TLE4: variants seen among roughly 807,000 people sequenced by gnomAD.
TLE4 encodes transducin-like enhancer protein 4.
In TLE4, 8 loss-of-function variants were observed where a neutral mutation model predicts 92.8. The ratio of observed to expected loss-of-function variants is 0.09; its 90% CI spans 0.05 to 0.16. TLE4 has a LOEUF of 0.16. TLE4 is among the 10% of genes least tolerant of loss of function. The pLI, the probability that TLE4 is intolerant of heterozygous loss-of-function variation, is 1.00. For missense variants in TLE4, 675 were observed against 997.6 expected, an observed-to-expected ratio of 0.68 and a Z score of 4.36; for synonymous variants, 371 against 374.1, an observed-to-expected ratio of 0.99 and a Z score of 0.10.
intron 8 of TLE4, among the ~76,000 whole-genome samples, chr9:79,700,695 C>A (rs752897489): frequency 6.6e-6 from 1 of 152,118 alleles, no homozygotes; most frequent in African/African-American, 2.4e-5. Flanking sequence ...AACAGATCTA[C>A]CCTGTTCTTT....
In TLE4 at chr9:79,725,258, A is replaced by G; in HGVS notation, c.*114A>G. The G allele has an allele frequency of 1.5e-6, 1 of 679,258 alleles. No homozygotes were observed. Among genetic ancestry groups the G allele is most frequent in the African/African-American group, 1.8e-5 (1 of 55,624 alleles). The allele number at this position is 679,258 out of a possible 1,614,324, so 42.1% of individuals were successfully genotyped here. A position where few individuals can be genotyped will look rare whatever the true frequency, so the allele number is the denominator to read the frequency against. ...ACCAAGGATTTCAGATACTCATTGCAGTTGTGGAGTTTAATCCCCTTTCTT... is the reference window on the plus strand; with the variant it reads ...ACCAAGGATTTCAGATACTCATTGCGGTTGTGGAGTTTAATCCCCTTTCTT... On this transcript the variant is annotated 3_prime_UTR_variant, in exon 20 of 20. Transcript: ENST00000376552.
chr9:79,648,412 G>A (rs2058433693), intron 6 of TLE4, among the ~76,000 whole-genome samples: 1 of 152,144 alleles, frequency 6.6e-6, no homozygotes, highest in South Asian at 2.1e-4. Context: ...GAATAATACA[G>A]GGAGCCCTAT....
At chr9:79,624,177 G>GA (rs5898638) in intron 5 of TLE4, among the ~76,000 whole-genome samples, 231 of 132,786 alleles carry the variant, frequency 1.7e-3, no homozygotes, top group Admixed American at 3.5e-3. Context: ...CCCGAAAATG[G>GA]AAAAAAAAAA....
chr9:79,704,682 G>A, intron 8 of TLE4, 101 bp from the exon 9 acceptor site: 2 of 1,476,880 alleles, frequency 1.4e-6, no homozygotes, highest in Non-Finnish European at 1.8e-6. Context: ...GCAAGTATAT[G>A]CTAAAGAATA....
intron 4 of TLE4, among the ~76,000 whole-genome samples, chr9:79,600,106 T>C (rs1318759406): frequency 6.6e-6 from 1 of 152,252 alleles, no homozygotes; most frequent in Non-Finnish European, 1.5e-5. Context: ...ATTCGTGGTT[T>C]AGGCTTTTTC....
chr9:79,707,353 C>T (rs1022589569), intron 11 of TLE4: 3 of 724,200 alleles, frequency 4.1e-6, no homozygotes, highest in East Asian at 5.2e-5. Flanking sequence ...TCTTGACTTA[C>T]ATCACAAATC....
At position 79,707,216 on chromosome 9, in the gene TLE4, A is replaced by G; in HGVS notation, c.936+317A>G. The G allele has an allele frequency of 5.0e-6, 8 of 1,612,390 alleles. No individual in the cohort carries two copies. In the South Asian group the frequency reaches 7.7e-5, roughly 15 times the overall value. On this transcript the variant is annotated intron_variant, in intron 11 of 19. Transcript: ENST00000376552. Reference sequence around the variant, plus strand: ...GAGATGGTTTTGTCGCCTGTGGTTTATGGTAAATTTAGTTTGGGGCTTGAA... The same window carrying G: ...GAGATGGTTTTGTCGCCTGTGGTTTGTGGTAAATTTAGTTTGGGGCTTGAA...
In TLE4 at chr9:79,724,815, G is replaced by T. The variant is rs146225640; in HGVS notation, c.2215-222G>T. Among the ~76,000 whole-genome samples, 702 of 124,832 alleles carry T rather than the reference G, an allele frequency of 5.6e-3. 1 individual carries two copies. The highest frequency in any genetic ancestry group is 0.031 in the Middle Eastern group (5 of 162). The allele number at this position is 124,832 out of a possible 152,430, so 81.9% of individuals were successfully genotyped here. On this transcript the variant is annotated intron_variant, in intron 19 of 19. Coordinates refer to ENST00000376552, the MANE Select transcript of TLE4 (RefSeq NM_007005.6). Reference sequence around the variant, plus strand: ...TGAGCCATGGTCACACCACTGCACTGCAGCCTGAGTGACTGAGGGAGACCC... The same window carrying T: ...TGAGCCATGGTCACACCACTGCACTTCAGCCTGAGTGACTGAGGGAGACCC...
At chr9:79,600,500 A>G (rs1408571716) in intron 4 of TLE4, among the ~76,000 whole-genome samples, 4 of 152,206 alleles carry the variant, frequency 2.6e-5, no homozygotes, top group Non-Finnish European at 4.4e-5. Context: ...AAAACAGACA[A>G]GGAATTAATT....
chr9:79,640,340 T>C (rs1433023112), intron 6 of TLE4, among the ~76,000 whole-genome samples: 2 of 152,182 alleles, frequency 1.3e-5, no homozygotes, highest in African/African-American at 4.8e-5. Flanking sequence ...TTAAAAATGC[T>C]AACATGAATT....
intron 4 of TLE4, among the ~76,000 whole-genome samples, chr9:79,598,507 C>T (rs1421179303): frequency 6.6e-6 from 1 of 152,084 alleles, no homozygotes; most frequent in Non-Finnish European, 1.5e-5. Flanking sequence ...CTCATTTTAC[C>T]CTCAGTTACT....
In TLE4 at chr9:79,722,837, G is replaced by A. The variant is rs925257029; in HGVS notation, c.2138-122G>A. The stretch of plus-strand genomic sequence containing the variant: ...CAGAAAGATAGGCTTTATTTTTGAA[G>A]TGAAAGTTATTTTTTACAAATGGAT... On this transcript the variant is annotated intron_variant, in intron 18 of 19. Transcript: ENST00000376552. 1.1e-5 allele frequency: 12 copies of A among 1,053,430 alleles called. No homozygotes were observed. The South Asian group carries it at 1.9e-4, about 17-fold the overall frequency. 65.3% of individuals were successfully genotyped at this position (1,053,430 alleles called of 1,614,324 possible).
chr9:79,687,194 C>T (rs1277878509), intron 8 of TLE4, among the ~76,000 whole-genome samples: 1 of 152,182 alleles, frequency 6.6e-6, no homozygotes, highest in East Asian at 1.9e-4. Flanking sequence ...TGGATCCAGC[C>T]GTGGGTGATG....
At chr9:79,578,553 G>A (rs2038667153) in intron 4 of TLE4, among the ~76,000 whole-genome samples, 2 of 152,120 alleles carry the variant, frequency 1.3e-5, no homozygotes, top group African/African-American at 4.8e-5. Flanking sequence ...ACAGGGTGGA[G>A]GTCGGTGTTC....
rs117687841 is a variant in TLE4, at chr9:79,645,265, G to A, written c.391-7328G>A. 7.4e-3 allele frequency among the ~76,000 whole-genome samples: 1,133 copies of A among 152,288 alleles called. 11 individuals are homozygous for A. The highest frequency in any genetic ancestry group is 0.02 in the Middle Eastern group (6 of 294). On this transcript the variant is annotated intron_variant, in intron 6 of 19. Coordinates refer to ENST00000376552, the MANE Select transcript of TLE4 (RefSeq NM_007005.6). Reference sequence around the variant, plus strand: ...AGAAACCAAAATATGAGCACAAAGTGTGCTCATTGCTACTGAGATGTTGTT... The same window carrying A: ...AGAAACCAAAATATGAGCACAAAGTATGCTCATTGCTACTGAGATGTTGTT...
chr9:79,594,048 T>C (rs1034418932), intron 4 of TLE4, among the ~76,000 whole-genome samples: 1 of 152,198 alleles, frequency 6.6e-6, no homozygotes, highest in Non-Finnish European at 1.5e-5. Flanking sequence ...TTTTATAACA[T>C]GTTGGTTCCC....
intron 8 of TLE4, chr9:79,693,714 A>G (rs1325698044): frequency 2.0e-6 from 1 of 501,946 alleles, no homozygotes; most frequent in Non-Finnish European, 3.9e-6. Flanking sequence ...GCAAACACTT[A>G]TGAATTGTCC....
chr9:79,718,962 C>T lies in TLE4; in HGVS notation c.1581C>T (p.Leu527=), dbSNP rs745614843. The change falls in exon 15 of 20, where the codon CTC becomes CTT. Residue 527 remains leucine, a synonymous_variant. Coordinates refer to ENST00000376552, the MANE Select transcript of TLE4 (RefSeq NM_007005.6). ...GCAATAAGAGTCCTGTCTCCCAGCT[C>T]GACTGTCTGGTGAGTGAACATGGAT... The part of the protein sequence containing the change: ...HPGNKSPVSQ[L]DCLNRDNYIR... The T allele has an allele frequency of 1.6e-5, 26 of 1,609,074 alleles. No individual in the cohort carries two copies. Among genetic ancestry groups the T allele is most frequent in the African/African-American group, 5.3e-5 (4 of 74,788 alleles).
At position 79,584,671 on chromosome 9, in the gene TLE4, A is replaced by G. The variant is rs78528564; in HGVS notation, c.252+8494A>G. Reference sequence around the variant, plus strand: ...GCTAGCCAAGAATATGTGTGATTTAATATTTTTAAGGGTATATTAGGTTGC... The same window carrying G: ...GCTAGCCAAGAATATGTGTGATTTAGTATTTTTAAGGGTATATTAGGTTGC... On this transcript the variant is annotated intron_variant, in intron 4 of 19. Transcript: ENST00000376552. Among the ~76,000 whole-genome samples the G allele has an allele frequency of 7.9e-5, 12 of 152,328 alleles. No individual in the cohort carries two copies. The East Asian group carries it at 2.3e-3, about 29-fold the overall frequency.
Sources: gnomAD v4.1 joint callset for allele counts (sites outside exome capture counted in the v4.1 genomes callset) on GRCh38, gnomAD v4.1.1 for gene constraint, MANE v1.5 for transcripts, NCBI Gene and HGNC (gene_info 2026-07-23, HGNC 2026-07-21) for gene names.